Variants in EDRF1 observed in about 807,000 individuals in gnomAD.
The protein encoded by EDRF1 is erythroid differentiation regulatory factor 1, also known as erythroid differentiation-related factor 1.
A neutral mutation model predicts 148.7 loss-of-function variants in EDRF1; 69 were observed. The observed-to-expected ratio is 0.46, with a 90% confidence interval of 0.38 to 0.57. The LOEUF (loss-of-function observed/expected upper bound fraction) is 0.57. Ranked by LOEUF, EDRF1 falls within the 20% of genes least tolerant of loss-of-function variation. The probability of loss-of-function intolerance (pLI) is 0.00; values close to 1 mark genes in which losing one functional copy is unlikely to be tolerated. For missense variants in EDRF1, 1,118 were observed against 1,478.7 expected (o/e 0.76, Z 4.00); for synonymous variants, 515 against 532.8 (o/e 0.97, Z 0.46).
intron 24 of EDRF1, among the ~76,000 whole-genome samples, chr10:125,758,021 T>G (rs1400002387): frequency 6.6e-6 from 1 of 151,186 alleles, no homozygotes; most frequent in Non-Finnish European, 1.5e-5. Context: ...TCCGTTCTGG[T>G]TTTTTTGATG....
At position 125,745,914 on chromosome 10, in the gene EDRF1, G is replaced by A. The variant is rs1849329991; in HGVS notation, c.2798G>A (p.Gly933Asp). 5 of 1,614,164 alleles carry A rather than the reference G, an allele frequency of 3.1e-6. No individual in the cohort carries two copies. The highest frequency in any genetic ancestry group is 4.2e-6 in the Non-Finnish European group (5 of 1,180,034). ...AAACGTGAATTTTCACCAGAAGAAG[G>A]CTTGTATTATAATAAGGTAACACAT... ...ELKREFSPEE[G>D]LYYNKAIDYY... Residue 933 changes from glycine to aspartate, a missense_variant, in exon 19 of 25, where the codon GGC becomes GAC. Coordinates refer to ENST00000356792, the MANE Select transcript of EDRF1 (RefSeq NM_001202438.2).
Position 125,729,049 on chromosome 10 carries a change from C to A in EDRF1, c.839C>A (p.Ser280Ter). The A allele has an allele frequency of 1.3e-6, 2 of 1,582,886 alleles. No individual in the cohort carries two copies. Among genetic ancestry groups the A allele is most frequent in the Admixed American group, 1.7e-5 (1 of 57,782 alleles). Reference protein sequence around the residue: ...EPSYIVGHVASAPKEQNLITL... With the variant: ...EPSYIVGHVA The stretch of plus-strand genomic sequence containing the variant: ...TCATACATAGTGGGGCATGTGGCCT[C>A]AGCCCCCAAAGAACAAAACCTGATT... Residue 280 changes from serine to a stop codon, truncating the protein, a stop_gained, in exon 7 of 25, where the codon TCA becomes TAA. Transcript: ENST00000356792. LOFTEE classifies it high-confidence loss of function.
chr10:125,729,570 CA>C, intron 8 of EDRF1, 91 bp downstream of exon 8: 1 of 1,505,726 alleles, frequency 6.6e-7, no homozygotes, highest in Non-Finnish European at 9.2e-7. Context: ...TGCAGTGAGC[CA>C]AGATCATGCT....
At chr10:125,722,587 C>T (rs566345878) in intron 2 of EDRF1, among the ~76,000 whole-genome samples, 2 of 152,060 alleles carry the variant, frequency 1.3e-5, no homozygotes, top group African/African-American at 4.8e-5. Flanking sequence ...CCTTTTGTGG[C>T]TGAATTGGTG....
chr10:125,737,850 C>G (rs530362837), intron 13 of EDRF1, 68 bp from the exon 14 acceptor site: 27 of 1,479,028 alleles, frequency 1.8e-5, no homozygotes, highest in Non-Finnish European at 2.5e-5. Context: ...ATTTAATCTT[C>G]AACAAAAACA....
chr10:125,722,958 T>C, intron 2 of EDRF1, 110 bp from the exon 3 acceptor site: 1 of 948,610 alleles, frequency 1.1e-6, no homozygotes, highest in Non-Finnish European at 1.7e-6. Context: ...GTTGTTAAAA[T>C]GTGGAAAATG....
chr10:125,737,881 T>G (rs760236852), intron 13 of EDRF1, 37 bp from the exon 14 acceptor site: 3 of 1,584,790 alleles, frequency 1.9e-6, no homozygotes, highest in Non-Finnish European at 2.6e-6. Flanking sequence ...CTTAATACAT[T>G]GGTAGTGTAT....
chr10:125,733,338 A>T, intron 9 of EDRF1, 66 bp from the exon 10 acceptor site: 1 of 1,339,952 alleles, frequency 7.5e-7, no homozygotes. Context: ...GTTGCTTTTT[A>T]AAAAGAAAGG....
intron 24 of EDRF1, among the ~76,000 whole-genome samples, chr10:125,758,767 C>T (rs572800475): frequency 8.5e-5 from 13 of 152,254 alleles, no homozygotes; most frequent in Non-Finnish European, 1.5e-4. Flanking sequence ...ACTGGTCCTT[C>T]GGTGCCTTTT....
At chr10:125,740,065 A>G (rs1681457454) in intron 15 of EDRF1, among the ~76,000 whole-genome samples, 1 of 152,190 alleles carries the variant, frequency 6.6e-6, no homozygotes, top group Admixed American at 6.5e-5. Flanking sequence ...AGACTGAGAA[A>G]CATGCAACTA....
chr10:125,731,126 G>A (rs1300255819), intron 9 of EDRF1, among the ~76,000 whole-genome samples: 1 of 152,108 alleles, frequency 6.6e-6, no homozygotes, highest in Admixed American at 6.5e-5. Flanking sequence ...CAGTATGAGT[G>A]ACAGAGCAAG....
At chr10:125,753,940 G>T in intron 24 of EDRF1, 95 bp downstream of exon 24, 1 of 1,376,940 alleles carries the variant, frequency 7.3e-7, no homozygotes, top group Non-Finnish European at 1.0e-6. Flanking sequence ...TAGGGGCCAG[G>T]CACATTGGCT....
chr10:125,732,956 A>G (rs1285025480), intron 9 of EDRF1, among the ~76,000 whole-genome samples: 2 of 152,160 alleles, frequency 1.3e-5, no homozygotes, highest in East Asian at 3.8e-4. Flanking sequence ...AAAATTTCCT[A>G]AATGATTCTC....
chr10:125,760,002 G>A (rs1305648867), intron 24 of EDRF1, among the ~76,000 whole-genome samples: 3 of 152,216 alleles, frequency 2.0e-5, no homozygotes, highest in East Asian at 1.9e-4. Flanking sequence ...GAGCCACCGC[G>A]CCTGGCCTTA....
At chr10:125,751,046 C>T (rs899836239) in intron 22 of EDRF1, among the ~76,000 whole-genome samples, 3 of 152,154 alleles carry the variant, frequency 2.0e-5, no homozygotes, top group Admixed American at 6.6e-5. Flanking sequence ...CCTTGACCAT[C>T]TGGGCTCTAG....
chr10:125,743,291 A>G lies in EDRF1; in HGVS notation c.2590+15A>G. On this transcript the variant is annotated intron_variant, in intron 18 of 24. Transcript: ENST00000356792. Reference sequence around the variant, plus strand: ...TGAGAGACTAGGTGAGTATCTCTTTAGATTCCTCTCTATTGCTTGTTCTCT... The same window carrying G: ...TGAGAGACTAGGTGAGTATCTCTTTGGATTCCTCTCTATTGCTTGTTCTCT... 6.3e-7 allele frequency: 1 copy of G among 1,599,028 alleles called. No individual in the cohort carries two copies. The highest frequency in any genetic ancestry group is 8.6e-7 in the Non-Finnish European group (1 of 1,166,792).
intron 19 of EDRF1, chr10:125,746,897 A>G (rs1849384565): frequency 6.6e-6 from 1 of 152,638 alleles, no homozygotes; most frequent in South Asian, 2.1e-4. Context: ...AGAGGGTACA[A>G]AGATATGAGC....
chr10:125,753,782 C>T lies in EDRF1; in HGVS notation c.3482C>T (p.Ser1161Phe), dbSNP rs748825109. Residue 1161 changes from serine to phenylalanine, a missense_variant, in exon 24 of 25, where the codon TCT becomes TTT. Around this residue, in one of 3 missense-constraint regions of EDRF1, gnomAD observed 954 missense variants for 1,241.4 expected, o/e 0.77. Transcript: ENST00000356792. ...ATGAAACTCCTCAGTATATTTGAGT[C>T]TCGGTTGTCATTTCTTCTCCTTCAG... The part of the protein sequence containing the change: ...EVMKLLSIFE[S>F]RLSFLLLQSI... The T allele has an allele frequency of 1.2e-6, 2 of 1,613,906 alleles. No individual in the cohort carries two copies. Among genetic ancestry groups the T allele is most frequent in the East Asian group, 2.2e-5 (1 of 44,880 alleles).
At position 125,763,155 on chromosome 10, in the gene EDRF1, G is replaced by A; in HGVS notation, c.3546-146G>A. The A allele has an allele frequency of 1.3e-6, 1 of 754,680 alleles. No individual in the cohort carries two copies. The highest frequency in any genetic ancestry group is 2.0e-5 in the Admixed American group (1 of 49,522). The allele number at this position is 754,680 out of a possible 1,614,324, so 46.7% of individuals were successfully genotyped here. On this transcript the variant is annotated intron_variant, in intron 24 of 24. Transcript: ENST00000356792. This position sits in a 1 kb window ranked among gnomAD's most constrained non-coding sequence, Gnocchi z 4.3. Reference sequence around the variant, plus strand: ...GGCCCATGAGCAATATGTAAAAGAAGGCAGGTCTGAACCCGGCAGGAGAGG... The same window carrying A: ...GGCCCATGAGCAATATGTAAAAGAAAGCAGGTCTGAACCCGGCAGGAGAGG...
Sources: gnomAD v4.1 joint callset for allele counts (sites outside exome capture counted in the v4.1 genomes callset) on GRCh38, gnomAD v4.1.1 for gene constraint, gnomAD v4.1.1 regional missense constraint, Gnocchi (gnomAD v3.1) non-coding constraint, MANE v1.5 for transcripts, NCBI Gene and HGNC (gene_info 2026-07-23, HGNC 2026-07-21) for gene names.